The following RNF180 variants were observed in gnomAD, a reference collection of about 807,000 sequenced individuals.
The protein encoded by RNF180 is E3 ubiquitin-protein ligase RNF180.
RNF180 carries 38 observed loss-of-function variants against 59.2 expected under a neutral mutation model. The ratio of observed to expected loss-of-function variants is 0.64; its 90% confidence interval spans 0.50 to 0.84. The LOEUF (loss-of-function observed/expected upper bound fraction) is 0.84, where lower values mean the gene tolerates loss of function less well. Ranked by LOEUF, RNF180 falls within the 40% of genes least tolerant of loss-of-function variation. The pLI is 0.00. For missense variants in RNF180, 705 were observed against 700.9 expected (o/e 1.01, Z -0.07); for synonymous variants, 262 against 240.3 (o/e 1.09, Z -0.84).
At chr5:64,277,598 G>T (rs1741795757) in intron 5 of RNF180, among the ~76,000 whole-genome samples, 1 of 152,042 alleles carries the variant, frequency 6.6e-6, no homozygotes, top group African/African-American at 2.4e-5. Context: ...GATTGACAGG[G>T]GCTTGGCAAG....
chr5:64,202,987 C>G (rs1023444578), intron 2 of RNF180, among the ~76,000 whole-genome samples: 1 of 152,204 alleles, frequency 6.6e-6, no homozygotes, highest in African/African-American at 2.4e-5. Flanking sequence ...TTTGCTCTTC[C>G]TTCAGGATAT....
intron 1 of RNF180, among the ~76,000 whole-genome samples, chr5:64,199,038 G>A (rs1455867010): frequency 2.0e-5 from 3 of 152,144 alleles, no homozygotes; most frequent in Non-Finnish European, 2.9e-5. Flanking sequence ...GGCTGGTTTC[G>A]AACTCCTGAC....
chr5:64,353,108 G>T (rs1745881401), intron 7 of RNF180, among the ~76,000 whole-genome samples: 1 of 151,644 alleles, frequency 6.6e-6, no homozygotes, highest in Non-Finnish European at 1.5e-5. Context: ...GGCTATATTT[G>T]CTGTTAAAAC....
At chr5:64,277,813 A>G (rs1375896605) in intron 5 of RNF180, among the ~76,000 whole-genome samples, 2 of 152,138 alleles carry the variant, frequency 1.3e-5, no homozygotes, top group African/African-American at 4.8e-5. Context: ...CAGGAAATCA[A>G]AAGCTTACAC....
chr5:64,223,659 AAAGT>A (rs1268962999), intron 5 of RNF180, among the ~76,000 whole-genome samples: 4 of 152,164 alleles, frequency 2.6e-5, no homozygotes, highest in African/African-American at 7.2e-5. Context: ...TTCAAGAAAG[AAAGT>A]TTTTCTCCCA....
chr5:64,316,082 GT>G (rs749079600), intron 5 of RNF180, among the ~76,000 whole-genome samples: 17 of 151,940 alleles, frequency 1.1e-4, no homozygotes, highest in Non-Finnish European at 2.2e-4. Flanking sequence ...TTATTTTGTT[GT>G]TTTTATTTTG....
rs984469847 is a variant in RNF180, at chr5:64,181,525, G to GA, written c.-1+15577dup. 1.4e-4 allele frequency among the ~76,000 whole-genome samples: 22 copies of GA among 152,290 alleles called. No individual in the cohort carries two copies. The East Asian group carries it at 1.9e-3, about 13-fold the overall frequency. On this transcript the variant is annotated intron_variant, in intron 1 of 7. Coordinates refer to ENST00000389100, the MANE Select transcript of RNF180 (RefSeq NM_001113561.2). Reference sequence around the variant, plus strand: ...AAGGGTATTGAAAAATGCCCTCTCTGAAAAATATTGAGCTAAAAATCAGGT... The same window carrying GA: ...AAGGGTATTGAAAAATGCCCTCTCTGAAAAAATATTGAGCTAAAAATCAGGT...
intron 5 of RNF180, among the ~76,000 whole-genome samples, chr5:64,268,400 T>C: frequency 6.6e-6 from 1 of 152,108 alleles, no homozygotes; most frequent in Non-Finnish European, 1.5e-5. Flanking sequence ...GACATTTCAT[T>C]TCAAATAAAT....
Position 64,325,258 on chromosome 5 carries a change from G to T in RNF180, c.1300G>T (p.Val434Leu). 1 of 1,551,542 alleles carries T rather than the reference G, an allele frequency of 6.4e-7. No homozygotes were observed. Residue 434 changes from valine (V) to leucine (L), a missense_variant, in exon 6 of 8, where the codon GTG becomes TTG. Coordinates refer to ENST00000389100, the MANE Select transcript of RNF180 (RefSeq NM_001113561.2). The part of the protein sequence containing the change: ...AEEKDSYICA[V>L]CLDVYFNPYM... ...AGAAAAGGATAGCTACATCTGTGCA[G>T]TGTGTCTGGACGTTTATTTCAACCC...
At chr5:64,183,538 C>T (rs1236007323) in intron 1 of RNF180, among the ~76,000 whole-genome samples, 3 of 148,614 alleles carry the variant, frequency 2.0e-5, no homozygotes, top group Non-Finnish European at 4.4e-5. Flanking sequence ...ACCTCCACCT[C>T]CCTGGTTCAA....
chr5:64,317,310 A>G (rs558116305), intron 5 of RNF180, among the ~76,000 whole-genome samples: 9 of 152,210 alleles, frequency 5.9e-5, no homozygotes, highest in African/African-American at 1.4e-4. Flanking sequence ...TCTGTAGTCT[A>G]TTAAGTGTGC....
intron 4 of RNF180, 48 bp downstream of exon 4, chr5:64,214,565 G>T (rs967911822): frequency 7.3e-6 from 11 of 1,498,912 alleles, no homozygotes; most frequent in African/African-American, 1.4e-5. Context: ...TATAAATACT[G>T]GAGTTTGGGG....
intron 2 of RNF180, among the ~76,000 whole-genome samples, chr5:64,208,690 T>C (rs1561189645): frequency 6.6e-6 from 1 of 152,044 alleles, no homozygotes; most frequent in African/African-American, 2.4e-5. Flanking sequence ...CCCTGGTCCA[T>C]GTGTAAAGTT....
At chr5:64,347,438 A>G (rs556541536) in intron 7 of RNF180, among the ~76,000 whole-genome samples, 2 of 152,280 alleles carry the variant, frequency 1.3e-5, no homozygotes, top group African/African-American at 4.8e-5. Flanking sequence ...GGCAGTTCCA[A>G]CTTCTTTCTT....
chr5:64,187,176 A>G (rs1432612876), intron 1 of RNF180, among the ~76,000 whole-genome samples: 1 of 152,208 alleles, frequency 6.6e-6, no homozygotes, highest in Non-Finnish European at 1.5e-5. Flanking sequence ...AAGGAAAATG[A>G]GTCAGTTTAC....
In RNF180 at chr5:64,355,389, C is replaced by CT. The variant is rs148980874; in HGVS notation, c.1580-14225dup. On this transcript the variant is annotated intron_variant, in intron 7 of 7. Transcript: ENST00000389100. ...ATGTTAAAAACTTGCACACTGAAAA[C>CT]TAAGACGTTGCTGAAGGAAATTAAA... Among the ~76,000 whole-genome samples, 254 of 151,972 alleles carry CT rather than the reference C, an allele frequency of 1.7e-3. 1 individual carries two copies. The highest frequency in any genetic ancestry group is 5.6e-3 in the African/African-American group (233 of 41,522).
At chr5:64,205,102 G>A (rs543066817) in intron 2 of RNF180, among the ~76,000 whole-genome samples, 27 of 152,256 alleles carry the variant, frequency 1.8e-4, no homozygotes, top group African/African-American at 5.8e-4. Flanking sequence ...TAGAATTGCT[G>A]TGATGTTTGC....
At chr5:64,334,552 T>C (rs1361395822) in intron 7 of RNF180, among the ~76,000 whole-genome samples, 1 of 152,212 alleles carries the variant, frequency 6.6e-6, no homozygotes, top group Admixed American at 6.5e-5. Flanking sequence ...CTGTAGTTCT[T>C]CTTTGTTTAC....
chr5:64,363,701 G>T (rs1746343578), intron 7 of RNF180, among the ~76,000 whole-genome samples: 2 of 151,784 alleles, frequency 1.3e-5, no homozygotes, highest in South Asian at 4.1e-4. Context: ...TAATGATATT[G>T]ATTATTCCTA....
Sources: allele counts gnomAD v4.1 joint callset (sites outside exome capture counted in the v4.1 genomes callset), GRCh38; gene constraint gnomAD v4.1.1; transcripts MANE v1.5; gene names NCBI Gene and HGNC (gene_info 2026-07-23, HGNC 2026-07-21).